ARHGAP30: variants seen among roughly 807,000 people sequenced by gnomAD.
ARHGAP30 encodes the protein rho GTPase-activating protein 30.
In ARHGAP30, 23 loss-of-function variants were observed where a neutral mutation model predicts 72.0. The observed-to-expected ratio is 0.32, with a 90% CI of 0.23 to 0.45. The LOEUF (loss-of-function observed/expected upper bound fraction) is 0.45, where lower values mean the gene tolerates loss of function less well. Among genes scored for constraint, ARHGAP30 ranks in the 20% least tolerant of loss-of-function variants. ARHGAP30 has a pLI of 1.00. For missense variants in ARHGAP30, 1,319 were observed against 1,383.4 expected (o/e 0.95, Z 0.74); for synonymous variants, 576 against 528.2 (o/e 1.09, Z -1.24).
Position 161,051,386 on chromosome 1 carries a change from G to A in ARHGAP30, c.1348C>T (p.Pro450Ser), listed in dbSNP as rs1571076834. The stretch of plus-strand genomic sequence containing the variant: ...GGGCTTGGCCGGTGCTGTAGAGCAG[G>A]GCACTCAAGGCCACGGGTGAGCCTG... The part of the protein sequence containing the change: ...LARLTRGLEC[P>S]ALQHRPSPAS... Residue 450 changes from proline (P) to serine (S), a missense_variant, in exon 10 of 12, where the codon CCT (proline) becomes TCT (serine). Transcript: ENST00000368013. 1.2e-6 allele frequency: 2 copies of A among 1,613,958 alleles called. No individual in the cohort carries two copies. Among genetic ancestry groups the A allele is most frequent in the African/African-American group, 1.3e-5 (1 of 75,070 alleles).
intron 2 of ARHGAP30, among the ~76,000 whole-genome samples, chr1:161,058,136 A>G (rs912830550): frequency 6.7e-6 from 1 of 148,320 alleles, no homozygotes; most frequent in Non-Finnish European, 1.5e-5. Context: ...GGGCAACAAG[A>G]GTGAAACTCC....
At chr1:161,057,429 G>A (rs1235766270) in intron 2 of ARHGAP30, among the ~76,000 whole-genome samples, 1 of 152,196 alleles carries the variant, frequency 6.6e-6, no homozygotes, top group Non-Finnish European at 1.5e-5. Flanking sequence ...AGATATGCAA[G>A]TAGACAATAA....
intron 2 of ARHGAP30, 65 bp downstream of exon 2, chr1:161,059,549 C>G (rs572175773): frequency 2.1e-6 from 3 of 1,413,304 alleles, no homozygotes; most frequent in Non-Finnish European, 2.9e-6. Flanking sequence ...CTCAGCAACT[C>G]TTACTGTGAC....
At position 161,051,453 on chromosome 1, in the gene ARHGAP30, G is replaced by T; in HGVS notation, c.1281C>A (p.Ile427=). 1 of 1,614,278 alleles carries T rather than the reference G, an allele frequency of 6.2e-7. No individual in the cohort carries two copies. Among genetic ancestry groups the T allele is most frequent in the South Asian group, 1.1e-5 (1 of 91,092 alleles). Reference sequence around the variant, plus strand: ...AGATGATGTTCGGGGGCACACTGAGGATAGAGGTGATGTGTAGCGGGAGGT... The same window carrying T: ...AGATGATGTTCGGGGGCACACTGAGTATAGAGGTGATGTGTAGCGGGAGGT... ...NVNLPLHITS[I]LSVPPNIISN... The change falls in exon 10 of 12, where the codon ATC becomes ATA. Residue 427 remains isoleucine, a synonymous_variant. Coordinates refer to ENST00000368013, the MANE Select transcript of ARHGAP30 (RefSeq NM_001025598.2).
chr1:161,061,226 CA>C (rs1652288310), intron 1 of ARHGAP30, among the ~76,000 whole-genome samples: 2 of 151,918 alleles, frequency 1.3e-5, no homozygotes, highest in Non-Finnish European at 2.9e-5. Context: ...AGTGCAGTGG[CA>C]CAGTCTTGGC....
At chr1:161,062,788 A>G (rs924381803) in intron 1 of ARHGAP30, among the ~76,000 whole-genome samples, 4 of 150,846 alleles carry the variant, frequency 2.7e-5, no homozygotes, top group African/African-American at 7.3e-5. Flanking sequence ...CCTTTTTCTT[A>G]TATCTATATT....
chr1:161,064,759 GAGAAAGAAAGAAAGAAAGAAAAAGAA>G (rs1423001067), intron 1 of ARHGAP30, among the ~76,000 whole-genome samples: 112 of 118,382 alleles, frequency 9.5e-4, no homozygotes, highest in African/African-American at 2.1e-3. Flanking sequence ...AAGAAAGAAA[GAGAAAGAAAGAAAGAAAGAAAAAGAA>G]AGAAAGAAAG....
At chr1:161,064,016 T>C (rs1222815150) in intron 1 of ARHGAP30, among the ~76,000 whole-genome samples, 1 of 152,280 alleles carries the variant, frequency 6.6e-6, no homozygotes. Context: ...AATTTCGCTT[T>C]GGTCCTTTGG....
At chr1:161,063,808 C>T (rs570861989) in intron 1 of ARHGAP30, among the ~76,000 whole-genome samples, 12 of 152,268 alleles carry the variant, frequency 7.9e-5, no homozygotes, top group African/African-American at 1.9e-4. Context: ...GAACGCCCCC[C>T]CCACCGGGGC....
rs751993069 is a variant in ARHGAP30 at position 161,052,294 on chromosome 1, G to A, written c.1010C>T (p.Ala337Val). The change falls in exon 9 of 12, where the codon GCC (alanine) becomes GTC (valine). Residue 337 changes from alanine (A) to valine (V), a missense_variant. Physicochemically the swap from Ala to Val is moderately conservative, Grantham distance 64 (BLOSUM62 0). Transcript: ENST00000368013. Reference protein sequence around the residue: ...SMDSLSAAAGASDEPEGLVGP... With the variant: ...SMDSLSAAAGVSDEPEGLVGP... Reference sequence around the variant, plus strand: ...TGCACCCCTATACTCACCATCACTGGCCCCAGCTGCAGCACTCAGTGAGTC... The same window carrying A: ...TGCACCCCTATACTCACCATCACTGACCCCAGCTGCAGCACTCAGTGAGTC... 2 of 1,613,686 alleles carry A rather than the reference G, an allele frequency of 1.2e-6. No individual in the cohort carries two copies. Among genetic ancestry groups the A allele is most frequent in the South Asian group, 2.2e-5 (2 of 91,080 alleles).
chr1:161,059,429 G>A (rs1452856326), intron 2 of ARHGAP30, among the ~76,000 whole-genome samples, 185 bp downstream of exon 2: 2 of 151,608 alleles, frequency 1.3e-5, no homozygotes, highest in African/African-American at 4.8e-5. Context: ...TTGGGGGAGG[G>A]ACCATGGTCT....
At chr1:161,056,556 G>T in intron 2 of ARHGAP30, 24 bp from the exon 3 acceptor site, 4 of 1,606,478 alleles carry the variant, frequency 2.5e-6, no homozygotes, top group Non-Finnish European at 3.4e-6. Context: ...GTGTGGTCAG[G>T]AGTGGTAGGG....
In ARHGAP30 at chr1:161,048,636, T is replaced by C. The variant is rs1651074112; in HGVS notation, c.2385A>G (p.Arg795=). ...VVQKQEAEGV[R]EDEDKGQREK... ...CCCTCTGTCCTTTGTCCTCATCCTC[T>C]CTGACTCCCTCAGCCTCTTGTTTCT... The change falls in exon 12 of 12, where the codon AGA becomes AGG. Residue 795 remains arginine (R), a synonymous_variant. Transcript: ENST00000368013. 1 of 1,614,078 alleles carries C rather than the reference T, an allele frequency of 6.2e-7. No homozygotes were observed.
At chr1:161,049,805 C>T in intron 10 of ARHGAP30, 116 bp from the exon 11 acceptor site, 2 of 1,341,706 alleles carry the variant, frequency 1.5e-6, no homozygotes, top group Admixed American at 2.5e-5. Flanking sequence ...TGCTACTCTG[C>T]ATGACTGATC....
chr1:161,059,906 GGGTCCTAAA>G (rs1363953638), intron 1 of ARHGAP30, among the ~76,000 whole-genome samples, 190 bp from the exon 2 acceptor site: 2 of 152,170 alleles, frequency 1.3e-5, no homozygotes, highest in Non-Finnish European at 2.9e-5. Flanking sequence ...TCTGCTTAGT[GGGTCCTAAA>G]GGTCCTGGGA....
chr1:161,064,835 A>AAG (rs1200379348), intron 1 of ARHGAP30, among the ~76,000 whole-genome samples: 5,360 of 72,114 alleles, frequency 0.074, 152 homozygotes, highest in Non-Finnish European at 0.09. Context: ...AAGAAAGAGA[A>AAG]AGAAAGAAAG....
Position 161,048,760 on chromosome 1 carries a change from T to A in ARHGAP30, c.2261A>T (p.Glu754Val), listed in dbSNP as rs1651089212. 1 of 1,614,040 alleles carries A rather than the reference T, an allele frequency of 6.2e-7. No individual in the cohort carries two copies. The highest frequency in any genetic ancestry group is 8.5e-7 in the Non-Finnish European group (1 of 1,180,022). The change falls in exon 12 of 12, where the codon GAG becomes GTG. Residue 754 changes from glutamate (E) to valine (V), a missense_variant. Transcript: ENST00000368013. ...DEKEKEIEREEDEQREEAQVE... is the reference protein window; with the variant it reads ...DEKEKEIEREVDEQREEAQVE... ...CTGGGCTTCCTCTCTTTGTTCATCCTCTTCTCTCTCAATTTCTTTTTCCTT... is the reference window on the plus strand; with the variant it reads ...CTGGGCTTCCTCTCTTTGTTCATCCACTTCTCTCTCAATTTCTTTTTCCTT...
chr1:161,049,820 C>G lies in ARHGAP30; in HGVS notation c.1421-131G>C, dbSNP rs1651216985. On this transcript the variant is annotated intron_variant, in intron 10 of 11. Transcript: ENST00000368013. ...TGCTACTCTGCATGACTGATCCTTT[C>G]AGACCAATGTCCCTAGTTATTGGCT... 4 of 1,249,368 alleles carry G rather than the reference C, an allele frequency of 3.2e-6. No individual in the cohort carries two copies. In the Admixed American group the frequency reaches 1.1e-4, roughly 33 times the overall value. The allele number at this position is 1,249,368 out of a possible 1,614,324, so 77.4% of individuals were successfully genotyped here. A position where few individuals can be genotyped will look rare whatever the true frequency, so the allele number is the denominator to read the frequency against.
intron 2 of ARHGAP30, among the ~76,000 whole-genome samples, chr1:161,058,854 C>CT (rs1438383641): frequency 9.6e-6 from 1 of 103,956 alleles, no homozygotes; most frequent in African/African-American, 4.6e-5. Context: ...GAGTGAGACT[C>CT]TATCTCAAAA....
Sources: allele counts gnomAD v4.1 joint callset (sites outside exome capture counted in the v4.1 genomes callset), GRCh38; gene constraint gnomAD v4.1.1; transcripts MANE v1.5; gene names NCBI Gene and HGNC (gene_info 2026-07-23, HGNC 2026-07-21).